The following RPS6KC1 variants were observed in gnomAD, a reference collection of about 807,000 sequenced individuals.
RPS6KC1 encodes ribosomal protein S6 kinase C1, also known as inactive ribosomal protein S6 kinase delta-1.
Under a neutral mutation model 103.8 loss-of-function variants are expected in RPS6KC1, and 54 were observed. That is an observed-to-expected ratio of 0.52 (90% CI 0.42 to 0.65). The LOEUF (loss-of-function observed/expected upper bound fraction) is 0.65, where lower values mean the gene tolerates loss of function less well. Among genes scored for constraint, RPS6KC1 ranks in the 30% least tolerant of loss-of-function variants. The pLI, the probability that RPS6KC1 is intolerant of heterozygous loss-of-function variation, is 0.00. For synonymous variants in RPS6KC1, 439 were observed against 438.7 expected, an observed-to-expected ratio of 1.00 and a Z score of -0.01; for missense variants, 1,151 against 1,253.8, an observed-to-expected ratio of 0.92 and a Z score of 1.24.
the RPS6KC1 span, among the ~76,000 whole-genome samples, chr1:213,456,425 G>A: frequency 5.3e-5 from 8 of 152,104 alleles, no homozygotes; most frequent in Admixed American, 3.9e-4. Context: ...CTACCTGTTT[G>A]GCAACTGGAT....
At chr1:213,549,076 C>T in the RPS6KC1 span, among the ~76,000 whole-genome samples, 1 of 152,142 alleles carries the variant, frequency 6.6e-6, no homozygotes, top group Admixed American at 6.5e-5. Context: ...GCTCCATTTC[C>T]CCCAGTGGGA....
the RPS6KC1 span, among the ~76,000 whole-genome samples, chr1:213,561,641 C>T: frequency 6.6e-6 from 1 of 152,300 alleles, no homozygotes; most frequent in Admixed American, 6.5e-5. Flanking sequence ...CCTCTCTTTT[C>T]TGGGATCAGT....
the RPS6KC1 span, among the ~76,000 whole-genome samples, chr1:213,802,266 C>A: frequency 6.6e-6 from 1 of 152,316 alleles, no homozygotes; most frequent in Non-Finnish European, 1.5e-5. Context: ...CTGCATTCAG[C>A]TCAATTTAAC....
chr1:213,144,139 G>GA (rs1359608862), intron 6 of RPS6KC1, among the ~76,000 whole-genome samples: 7 of 152,040 alleles, frequency 4.6e-5, no homozygotes, highest in South Asian at 2.1e-4. Context: ...AAATAACATA[G>GA]ACACAGGTTC....
chr1:213,566,447 T>G, the RPS6KC1 span, among the ~76,000 whole-genome samples: 2 of 20,252 alleles, frequency 9.9e-5, no homozygotes, highest in Admixed American at 8.7e-4. Context: ...GTTTTTTTTT[T>G]TTTTTTTTTT....
At position 213,127,225 on chromosome 1, in the gene RPS6KC1, A is replaced by G. The variant is rs1055178558; in HGVS notation, c.473-2302A>G. On this transcript the variant is annotated intron_variant, in intron 5 of 14. Coordinates refer to ENST00000366960, the MANE Select transcript of RPS6KC1 (RefSeq NM_012424.6). ...CCAGGACATTCTTTGTCTTTTCACC[A>G]TATTGACATTTGCCCTGATGATGCA... 5.3e-5 allele frequency among the ~76,000 whole-genome samples: 8 copies of G among 152,176 alleles called. No homozygotes were observed. In the East Asian group the frequency reaches 5.8e-4, roughly 11 times the overall value.
chr1:213,110,603 A>G (rs2082928871), intron 4 of RPS6KC1, among the ~76,000 whole-genome samples: 1 of 152,196 alleles, frequency 6.6e-6, no homozygotes, highest in African/African-American at 2.4e-5. Flanking sequence ...GTGCCATTAT[A>G]TGCTTTCCTT....
At chr1:213,380,835 T>C in the RPS6KC1 span, among the ~76,000 whole-genome samples, 3 of 152,122 alleles carry the variant, frequency 2.0e-5, no homozygotes, top group African/African-American at 7.2e-5. Context: ...AGAGCGTCTG[T>C]CCACCTCTCT....
the RPS6KC1 span, among the ~76,000 whole-genome samples, chr1:213,440,114 A>T: frequency 9.2e-5 from 14 of 152,214 alleles, no homozygotes; most frequent in African/African-American, 3.4e-4. Flanking sequence ...AATCAGATAC[A>T]TTGCACAGCA....
downstream of RPS6KC1, among the ~76,000 whole-genome samples, chr1:213,276,549 C>T (rs2095112905): frequency 6.6e-6 from 1 of 152,084 alleles, no homozygotes; most frequent in South Asian, 2.1e-4. Flanking sequence ...GAGTTCTAAG[C>T]TTTACAAGTA....
chr1:213,721,006 T>G, the RPS6KC1 span, among the ~76,000 whole-genome samples: 6 of 152,198 alleles, frequency 3.9e-5, no homozygotes, highest in Non-Finnish European at 5.9e-5. Context: ...ATTGAAGAAG[T>G]ACTTGAGCAG....
the RPS6KC1 span, among the ~76,000 whole-genome samples, chr1:213,634,458 A>G: frequency 6.6e-6 from 1 of 152,232 alleles, no homozygotes; most frequent in Non-Finnish European, 1.5e-5. Flanking sequence ...TGGAAACTGA[A>G]CAATCTGCTC....
At chr1:213,834,098 G>A in the RPS6KC1 span, among the ~76,000 whole-genome samples, 1 of 152,152 alleles carries the variant, frequency 6.6e-6, no homozygotes, top group Admixed American at 6.5e-5. Flanking sequence ...GAGTGCAGTG[G>A]CACAATCACG....
the RPS6KC1 span, among the ~76,000 whole-genome samples, chr1:213,424,242 C>G: frequency 6.6e-6 from 1 of 152,344 alleles, no homozygotes; most frequent in Non-Finnish European, 1.5e-5. Flanking sequence ...TCAACTTCGG[C>G]TTTCTACGAA....
At chr1:213,172,809 G>A (rs1448025933) in intron 7 of RPS6KC1, among the ~76,000 whole-genome samples, 1 of 152,146 alleles carries the variant, frequency 6.6e-6, no homozygotes, top group Non-Finnish European at 1.5e-5. Context: ...CTCTTCCCTT[G>A]TCTTTAGTCC....
the RPS6KC1 span, among the ~76,000 whole-genome samples, chr1:213,689,347 T>C: frequency 6.6e-6 from 1 of 152,176 alleles, no homozygotes; most frequent in South Asian, 2.1e-4. Context: ...CCCCATCCCA[T>C]GCCCCTCCTC....
At chr1:213,563,927 T>C in the RPS6KC1 span, among the ~76,000 whole-genome samples, 1 of 151,726 alleles carries the variant, frequency 6.6e-6, no homozygotes, top group African/African-American at 2.4e-5. Context: ...TTTATTTGCT[T>C]ACCATTTATT....
the RPS6KC1 span, among the ~76,000 whole-genome samples, chr1:213,732,316 C>T: frequency 6.6e-6 from 1 of 151,218 alleles, no homozygotes; most frequent in Non-Finnish European, 1.5e-5. Context: ...AAAAGTGTCA[C>T]AAAGATTTAG....
intron 7 of RPS6KC1, among the ~76,000 whole-genome samples, chr1:213,172,568 G>A (rs1018148341): frequency 1.3e-5 from 2 of 152,214 alleles, no homozygotes; most frequent in African/African-American, 4.8e-5. Context: ...AGCCGAGATC[G>A]TGTCACTGCA....
Sources: gnomAD v4.1 joint callset for allele counts (sites outside exome capture counted in the v4.1 genomes callset) on GRCh38, gnomAD v4.1.1 for gene constraint, MANE v1.5 for transcripts, NCBI Gene and HGNC (gene_info 2026-07-23, HGNC 2026-07-21) for gene names.